The following GLIS1 variants were observed in gnomAD, a reference collection of about 807,000 sequenced individuals.
The protein encoded by GLIS1 is zinc finger protein GLIS1.
GLIS1 carries 24 observed loss-of-function variants against 63.8 expected under a neutral mutation model. That is an observed-to-expected ratio of 0.38 (90% CI 0.27 to 0.53). The LOEUF is 0.53. GLIS1 is among the 20% of genes least tolerant of loss of function. The probability of loss-of-function intolerance (pLI) is 0.85; values close to 1 mark genes in which losing one functional copy is unlikely to be tolerated. For synonymous variants in GLIS1, 450 were observed against 482.5 expected (o/e 0.93, Z 0.88); for missense variants, 1,036 against 1,074.1 (o/e 0.96, Z 0.50).
At chr1:53,732,334 GCTTT>G (rs1646870421) in intron 2 of GLIS1, among the ~76,000 whole-genome samples, 2 of 152,212 alleles carry the variant, frequency 1.3e-5, no homozygotes, top group African/African-American at 2.4e-5. Context: ...CCAGCCTTCG[GCTTT>G]CTTTCAGTTT....
intron 4 of GLIS1, among the ~76,000 whole-genome samples, chr1:53,573,445 C>T (rs1018608410): frequency 3.9e-5 from 6 of 152,156 alleles, no homozygotes; most frequent in African/African-American, 7.2e-5. Flanking sequence ...CTGACCACCC[C>T]GGCCTGAAGG....
At chr1:53,709,670 G>A (rs766339918) in intron 2 of GLIS1, among the ~76,000 whole-genome samples, 71 of 152,064 alleles carry the variant, frequency 4.7e-4, no homozygotes, top group Non-Finnish European at 9.0e-4. Context: ...GTGTTGATGG[G>A]CCCTCCTTAA....
Position 53,680,188 on chromosome 1 carries a change from A to C in GLIS1, c.259+57618T>G, listed in dbSNP as rs1646259349. On this transcript the variant is annotated intron_variant, in intron 2 of 10. Transcript: ENST00000628545. ...AGATTGTCTCAGCCACTAACAGCTT[A>C]AAAAAAAAAAATTCAGATCAAATAC... Among the ~76,000 whole-genome samples, 3 of 146,836 alleles carry C rather than the reference A, an allele frequency of 2.0e-5. No homozygotes were observed. In the Admixed American group the frequency reaches 2.1e-4, roughly 10 times the overall value.
In GLIS1 at chr1:53,522,555, C is replaced by T. The variant is rs374229420; in HGVS notation, c.1594-1789G>A. Among the ~76,000 whole-genome samples the T allele has an allele frequency of 3.9e-5, 6 of 152,290 alleles. No individual in the cohort carries two copies. In the South Asian group the frequency reaches 1.2e-3, roughly 32 times the overall value. ...GGAAGCAGACAGGTCTGGGATGGAC[C>T]CTGGCTCTGGCACTTCTGGGGTGCA... is the stretch of plus-strand genomic sequence containing the variant. On this transcript the variant is annotated intron_variant, in intron 6 of 10. Transcript: ENST00000628545.
At chr1:53,636,068 G>C (rs892228742) in intron 2 of GLIS1, among the ~76,000 whole-genome samples, 1 of 152,100 alleles carries the variant, frequency 6.6e-6, no homozygotes, top group Admixed American at 6.6e-5. Flanking sequence ...ACTAGAAAAA[G>C]GGGGAATACT....
At position 53,520,673 on chromosome 1, in the gene GLIS1, C is replaced by G; in HGVS notation, c.1687G>C (p.Gly563Arg). 1.2e-6 allele frequency: 2 copies of G among 1,610,608 alleles called. No homozygotes were observed. The highest frequency in any genetic ancestry group is 1.3e-5 in the African/African-American group (1 of 75,028). The change falls in exon 7 of 11, where the codon GGC becomes CGC. Residue 563 changes from glycine to arginine, a missense_variant. By Grantham distance (125) the Gly-to-Arg change is moderately radical. This residue lies in a region of GLIS1 where 400 missense variants were observed against 400.9 expected (regional missense o/e 1.00). Coordinates refer to ENST00000628545, the MANE Select transcript of GLIS1 (RefSeq NM_001367484.1). ...TGGCCCAGGCCACAGCCACCCTTGC[C>G]GTCGCTGGCAGCCAGCTGTGTGGAC... is the stretch of plus-strand genomic sequence containing the variant. ...HTSTQLAASD[G>R]KGGCGLGQEL...
At position 53,717,039 on chromosome 1, in the gene GLIS1, C is replaced by T. The variant is rs79503666; in HGVS notation, c.259+20767G>A. On this transcript the variant is annotated intron_variant, in intron 2 of 10. Transcript: ENST00000628545. ...GTCTAGACCAAGTATCAGAAATCAT[C>T]ATGGCATTGGACTTTCAGCAGCAAT... Among the ~76,000 whole-genome samples the T allele has an allele frequency of 3.6e-3, 554 of 152,282 alleles. 4 individuals are homozygous for T. The highest frequency in any genetic ancestry group is 0.013 in the African/African-American group (527 of 41,550).
chr1:53,693,672 T>G (rs1646432596), intron 2 of GLIS1, among the ~76,000 whole-genome samples: 1 of 151,502 alleles, frequency 6.6e-6, no homozygotes. Context: ...TCGCCAAGGG[T>G]GTGGGCATCA....
chr1:53,712,007 T>A (rs149144920), intron 2 of GLIS1, among the ~76,000 whole-genome samples: 17 of 152,314 alleles, frequency 1.1e-4, no homozygotes, highest in African/African-American at 4.1e-4. Context: ...TCTGTTCTCA[T>A]CCTTAGGGAG....
Position 53,554,746 on chromosome 1 carries a change from C to A in GLIS1, c.1321-24794G>T, listed in dbSNP as rs535748173. 2.6e-5 allele frequency among the ~76,000 whole-genome samples: 4 copies of A among 152,320 alleles called. No individual in the cohort carries two copies. In the South Asian group the frequency reaches 6.2e-4, roughly 24 times the overall value. On this transcript the variant is annotated intron_variant, in intron 4 of 10. Coordinates refer to ENST00000628545, the MANE Select transcript of GLIS1 (RefSeq NM_001367484.1). ...CCTGGAACGTGCCCATCATTGGGCC[C>A]CCACAGCCGGGTCTGACAGGCTGGG...
intron 2 of GLIS1, among the ~76,000 whole-genome samples, chr1:53,626,691 C>T (rs975141312): frequency 2.6e-5 from 4 of 152,240 alleles, no homozygotes; most frequent in African/African-American, 9.6e-5. Flanking sequence ...GTATCTGCTA[C>T]ATGCATGAAT....
intron 2 of GLIS1, among the ~76,000 whole-genome samples, chr1:53,648,188 A>G (rs1030457888): frequency 2.6e-5 from 4 of 152,182 alleles, no homozygotes; most frequent in African/African-American, 7.2e-5. Context: ...AAAAATAAAA[A>G]TTAAAAAAAA....
chr1:53,533,124 TA>T (rs930842759), intron 4 of GLIS1, among the ~76,000 whole-genome samples: 2 of 152,272 alleles, frequency 1.3e-5, no homozygotes, highest in Non-Finnish European at 2.9e-5. Flanking sequence ...GCCTTTCCTT[TA>T]TTTGCTCTTT....
intron 10 of GLIS1, 88 bp downstream of exon 10, chr1:53,509,022 AGCATCCAAAG>A: frequency 8.1e-7 from 1 of 1,233,774 alleles, no homozygotes. Flanking sequence ...CCACCACATA[AGCATCCAAAG>A]GCTGCAGGAC....
chr1:53,627,423 A>G (rs1307261928), intron 2 of GLIS1, among the ~76,000 whole-genome samples: 1 of 152,096 alleles, frequency 6.6e-6, no homozygotes, highest in Non-Finnish European at 1.5e-5. Context: ...GATGTGCCAA[A>G]TTGAACCTCC....
intron 2 of GLIS1, among the ~76,000 whole-genome samples, chr1:53,713,663 G>A (rs1222520716): frequency 6.6e-6 from 1 of 152,230 alleles, no homozygotes; most frequent in Non-Finnish European, 1.5e-5. Context: ...TCAGGAGGCT[G>A]AGGTGGAAGG....
At chr1:53,586,388 C>G (rs999396688) in intron 4 of GLIS1, among the ~76,000 whole-genome samples, 5 of 152,230 alleles carry the variant, frequency 3.3e-5, no homozygotes, top group Admixed American at 6.5e-5. Context: ...GCGACGCATC[C>G]AAGGTCACAG....
chr1:53,578,726 A>G (rs1490418102), intron 4 of GLIS1, among the ~76,000 whole-genome samples: 1 of 152,212 alleles, frequency 6.6e-6, no homozygotes, highest in Non-Finnish European at 1.5e-5. Flanking sequence ...TCTCTAATCT[A>G]TGTCAATTTA....
At chr1:53,720,037 A>G (rs1646738010) in intron 2 of GLIS1, among the ~76,000 whole-genome samples, 1 of 152,138 alleles carries the variant, frequency 6.6e-6, no homozygotes, top group African/African-American at 2.4e-5. Context: ...TTAGCTGGGC[A>G]TGGTGGCATG....
Sources: allele counts gnomAD v4.1 joint callset (sites outside exome capture counted in the v4.1 genomes callset), GRCh38; gene constraint gnomAD v4.1.1; regional missense constraint gnomAD v4.1.1; transcripts MANE v1.5; gene names NCBI Gene and HGNC (gene_info 2026-07-23, HGNC 2026-07-21).